LILRA1: variants seen among roughly 807,000 people sequenced by gnomAD.
The protein encoded by LILRA1 is leukocyte immunoglobulin-like receptor subfamily A member 1.
Under a neutral mutation model 51.6 loss-of-function variants are expected in LILRA1, and 51 were observed. The ratio of observed to expected loss-of-function variants is 0.99; its 90% CI spans 0.79 to 1.25. The LOEUF (loss-of-function observed/expected upper bound fraction) is 1.25, where lower values mean the gene tolerates loss of function less well. LILRA1 is among the 50% of genes most tolerant of loss of function. LILRA1 has a pLI of 0.00. For synonymous variants in LILRA1, 305 were observed against 248.4 expected (o/e 1.23, Z -2.14); for missense variants, 660 against 611.7 (o/e 1.08, Z -0.83).
rs768358229 is a variant in LILRA1, at chr19:54,595,267, G to A, written c.526G>A (p.Gly176Arg). Residue 176 changes from glycine to arginine, a missense_variant, in exon 5 of 10, where the codon GGG becomes AGG. By Grantham distance (125) the Gly-to-Arg change is moderately radical. Coordinates refer to ENST00000251372, the MANE Select transcript of LILRA1 (RefSeq NM_006863.4). ...QCLNSQPRTH[G>R]WSRAIFSVGP... is the part of the protein sequence containing the mutation. ...CCTGAACTCACAGCCCCGTACCCAT[G>A]GGTGGTCCCGGGCCATCTTCTCTGT... is the stretch of plus-strand genomic sequence containing the variant. 3 of 1,613,972 alleles carry A rather than the reference G, an allele frequency of 1.9e-6. No individual in the cohort carries two copies. Among genetic ancestry groups the A allele is most frequent in the Admixed American group, 1.7e-5 (1 of 59,998 alleles).
Position 54,595,720 on chromosome 19 carries a change from C to G in LILRA1, c.743C>G (p.Ser248Cys). 6.2e-7 allele frequency: 1 copy of G among 1,614,090 alleles called. No individual in the cohort carries two copies. Among genetic ancestry groups the G allele is most frequent in the Non-Finnish European group, 8.5e-7 (1 of 1,179,978 alleles). The change falls in exon 6 of 10, where the codon TCT becomes TGT. Residue 248 changes from serine (S) to cysteine (C), a missense_variant. Ser to Cys is a moderately radical substitution (Grantham distance 112). Transcript: ENST00000251372. ...PGESLTLQCVSDVSYDRFVLY... is the reference protein window; with the variant it reads ...PGESLTLQCVCDVSYDRFVLY... ...GAGAGCCTGACCCTCCAGTGTGTTTCTGATGTCAGCTACGACAGATTTGTT... is the reference window on the plus strand; with the variant it reads ...GAGAGCCTGACCCTCCAGTGTGTTTGTGATGTCAGCTACGACAGATTTGTT...
rs2063014265 is a variant in LILRA1, at chr19:54,595,317, G to A, written c.576G>A (p.Arg192=). Residue 192 remains arginine (R), a synonymous_variant, in exon 5 of 10, where the codon AGG becomes AGA. Coordinates refer to ENST00000251372, the MANE Select transcript of LILRA1 (RefSeq NM_006863.4). ...FSVGPVSPSR[R]WSYRCYAYDS... ...TGGGCCCCGTGAGCCCGAGTCGCAG[G>A]TGGTCGTACAGGTGCTATGCTTATG... 3.1e-6 allele frequency: 5 copies of A among 1,614,130 alleles called. No homozygotes were observed. The highest frequency in any genetic ancestry group is 1.3e-5 in the African/African-American group (1 of 75,048).
Position 54,594,262 on chromosome 19 carries a change from A to G in LILRA1, c.18A>G (p.Thr6=), listed in dbSNP as rs28469702. 0.11 allele frequency: 174,400 copies of G among 1,523,984 alleles called. 21,270 individuals carry two copies. The highest frequency in any genetic ancestry group is 0.47 in the African/African-American group (33,277 of 71,126). 94.4% of individuals were successfully genotyped at this position (1,523,984 alleles called of 1,614,324 possible). A position where few individuals can be genotyped will look rare whatever the true frequency, so the allele number is the denominator to read the frequency against. The change falls in exon 2 of 10, where the codon ACA becomes ACG. Residue 6 remains threonine (T), a synonymous_variant. Transcript: ENST00000251372. The part of the protein sequence containing the change: MTPIV[T]VLICLRLSLG... ...GAGACGCTATGACCCCCATCGTCAC[A>G]GTCCTGATCTGTCTCAGTGAGATTT...
intron 8 of LILRA1, chr19:54,599,591 T>C (rs1315909096): frequency 2.7e-6 from 3 of 1,111,972 alleles, no homozygotes; most frequent in Non-Finnish European, 2.2e-6. Flanking sequence ...CTAATACAAT[T>C]TGTATAAACC....
Position 54,594,809 on chromosome 19 carries a change from G to A in LILRA1, c.215G>A (p.Arg72Gln), listed in dbSNP as rs373727113. ...REKKTAPWIT[R>Q]IPQEIVKKGQ... ...AAGAAAACAGCACCCTGGATTACAC[G>A]GATCCCACAGGAGATTGTGAAGAAG... The change falls in exon 4 of 10, where the codon CGG (arginine) becomes CAG (glutamine). Residue 72 changes from arginine (R) to glutamine (Q), a missense_variant. Coordinates refer to ENST00000251372, the MANE Select transcript of LILRA1 (RefSeq NM_006863.4). 2.5e-5 allele frequency: 40 copies of A among 1,614,000 alleles called. No homozygotes were observed. Among genetic ancestry groups the A allele is most frequent in the Admixed American group, 1.3e-4 (8 of 60,000 alleles).
intron 7 of LILRA1, among the ~76,000 whole-genome samples, chr19:54,597,522 G>A (rs570092047): frequency 6.6e-6 from 1 of 152,034 alleles, no homozygotes; most frequent in Non-Finnish European, 1.5e-5. Flanking sequence ...CCCACACCCC[G>A]ACCTTGTCCT....
At chr19:54,599,630 A>C (rs1373603550) in intron 8 of LILRA1, 2 of 978,694 alleles carry the variant, frequency 2.0e-6, no homozygotes, top group African/African-American at 3.6e-5. Flanking sequence ...TTACTTCTTT[A>C]TTTCTAAATT....
At position 54,596,315 on chromosome 19, in the gene LILRA1, C is replaced by G. The variant is rs1339443254; in HGVS notation, c.1085C>G (p.Ala362Gly). Residue 362 changes from alanine to glycine, a missense_variant, in exon 7 of 10, where the codon GCA becomes GGA. Coordinates refer to ENST00000251372, the MANE Select transcript of LILRA1 (RefSeq NM_006863.4). ...ACTTTCCTTCTGACCAAGGCGGGAG[C>G]AGCTGATGCCCCCCTCCGTCTCAGA... The part of the protein sequence containing the change: ...FHTFLLTKAG[A>G]ADAPLRLRSI... 1 of 1,614,030 alleles carries G rather than the reference C, an allele frequency of 6.2e-7. No individual in the cohort carries two copies. The highest frequency in any genetic ancestry group is 8.5e-7 in the Non-Finnish European group (1 of 1,180,024).
chr19:54,594,895 G>T lies in LILRA1; in HGVS notation c.301G>T (p.Gly101Cys), dbSNP rs201715627. Residue 101 changes from glycine (G) to cysteine (C), a missense_variant, in exon 4 of 10, where the codon GGT (glycine) becomes TGT (cysteine). By Grantham distance (159) the Gly-to-Cys change is radical. Coordinates refer to ENST00000251372, the MANE Select transcript of LILRA1 (RefSeq NM_006863.4). The part of the protein sequence containing the change: ...EHTGRYRCFY[G>C]SHTAGWSEPS... Reference sequence around the variant, plus strand: ...CACAGGGCGGTATCGCTGTTTCTACGGTAGCCACACTGCAGGCTGGTCAGA... The same window carrying T: ...CACAGGGCGGTATCGCTGTTTCTACTGTAGCCACACTGCAGGCTGGTCAGA... 1.2e-6 allele frequency: 2 copies of T among 1,614,126 alleles called. No homozygotes were observed. The highest frequency in any genetic ancestry group is 2.2e-5 in the South Asian group (2 of 91,082).
rs112681015 is a variant in LILRA1 at position 54,595,323 on chromosome 19, G to A, written c.582G>A (p.Ser194=). 1.3e-4 allele frequency: 210 copies of A among 1,614,090 alleles called. 2 individuals carry two copies. In the African/African-American group the frequency reaches 1.3e-3, roughly 10 times the overall value. ...VGPVSPSRRW[S]YRCYAYDSNS... Reference sequence around the variant, plus strand: ...CCGTGAGCCCGAGTCGCAGGTGGTCGTACAGGTGCTATGCTTATGACTCGA... The same window carrying A: ...CCGTGAGCCCGAGTCGCAGGTGGTCATACAGGTGCTATGCTTATGACTCGA... The change falls in exon 5 of 10, where the codon TCG becomes TCA. Residue 194 remains serine, a synonymous_variant. Transcript: ENST00000251372.
rs530651537 is a variant in LILRA1, at chr19:54,595,967, C to G, written c.958+32C>G. On this transcript the variant is annotated intron_variant, in intron 6 of 9. Transcript: ENST00000251372. The stretch of plus-strand genomic sequence containing the variant: ...AGCCCAGCGGGTTCAGTCAGGGACA[C>G]AGGCTCCGCACAGGCCCTGCCAGGG... The G allele has an allele frequency of 2.0e-4, 314 of 1,609,500 alleles. 1 individual carries two copies. The Middle Eastern group carries it at 3.8e-3, about 19-fold the overall frequency.
intron 8 of LILRA1, 73 bp from the exon 9 acceptor site, chr19:54,600,439 T>C (rs1175053540): frequency 1.7e-5 from 25 of 1,471,392 alleles, no homozygotes; most frequent in East Asian, 1.6e-4. Flanking sequence ...TCAGAAGACA[T>C]AGGGGAAGAT....
chr19:54,599,533 C>A, intron 8 of LILRA1: 14 of 1,187,042 alleles, frequency 1.2e-5, no homozygotes, highest in Non-Finnish European at 1.5e-5. Context: ...TAACTCACTA[C>A]TAAATTGCTC....
At chr19:54,599,388 C>A in intron 8 of LILRA1, 102 bp downstream of exon 8, 1 of 1,422,950 alleles carries the variant, frequency 7.0e-7, no homozygotes, top group Non-Finnish European at 9.4e-7. Flanking sequence ...AAATTACATT[C>A]ATTCTAATTT....
chr19:54,598,391 C>T (rs998240499), intron 7 of LILRA1, among the ~76,000 whole-genome samples: 10 of 151,950 alleles, frequency 6.6e-5, no homozygotes, highest in Admixed American at 4.6e-4. Flanking sequence ...GTTTCCTTAA[C>T]GAACTTCAGA....
In LILRA1 at chr19:54,595,842, C is replaced by T. The variant is rs139230831; in HGVS notation, c.865C>T (p.Arg289Cys). 1.1e-3 allele frequency: 1,798 copies of T among 1,614,118 alleles called. No individual in the cohort carries two copies. Among genetic ancestry groups the T allele is most frequent in the Non-Finnish European group, 1.4e-3 (1,629 of 1,179,952 alleles). ...QANFTLGPVS[R>C]SYGGQYRCSG... ...CAACTTCACCCTGGGCCCTGTGAGC[C>T]GCTCCTACGGGGGCCAGTACAGATG... Residue 289 changes from arginine to cysteine, a missense_variant, in exon 6 of 10, where the codon CGC (arginine) becomes TGC (cysteine). By Grantham distance (180) the Arg-to-Cys change is radical (BLOSUM62 -3). Coordinates refer to ENST00000251372, the MANE Select transcript of LILRA1 (RefSeq NM_006863.4).
chr19:54,596,498 G>A lies in LILRA1; in HGVS notation c.1261+7G>A. ...CTGGAGCTCATGGTCTCAGGTGAGG[G>A]CCCTGACCCTGTCCTCTCCGAGCTC... On this transcript the variant is annotated splice_region_variant and intron_variant, in intron 7 of 9. Transcript: ENST00000251372. The A allele has an allele frequency of 6.2e-7, 1 of 1,614,076 alleles. No individual in the cohort carries two copies. The highest frequency in any genetic ancestry group is 1.1e-5 in the South Asian group (1 of 91,078).
chr19:54,598,254 C>T (rs2063100220), intron 7 of LILRA1, among the ~76,000 whole-genome samples: 1 of 151,894 alleles, frequency 6.6e-6, no homozygotes, highest in African/African-American at 2.4e-5. Context: ...ATTATATGAA[C>T]CTATTATTTA....
Position 54,600,732 on chromosome 19 carries a change from TC to T in LILRA1, c.1386del (p.Ile463SerfsTer5), listed in dbSNP as rs750218398. ...CCCCAGGATTACACAGTGGAGAATC[TC>T]ATCCGCATGGGCATAGCTGGCTTGG... ...SHPQDYTVEN[L>X]IRMGIAGLVL... On this transcript the variant is annotated frameshift_variant, in exon 10 of 10. Transcript: ENST00000251372. LOFTEE classifies it low-confidence loss of function (END_TRUNC). The T allele has an allele frequency of 1.2e-6, 2 of 1,613,990 alleles. No individual in the cohort carries two copies. Among genetic ancestry groups the T allele is most frequent in the Non-Finnish European group, 8.5e-7 (1 of 1,179,984 alleles).
Sources: allele counts gnomAD v4.1 joint callset (sites outside exome capture counted in the v4.1 genomes callset), GRCh38; gene constraint gnomAD v4.1.1; transcripts MANE v1.5; gene names NCBI Gene and HGNC (gene_info 2026-07-23, HGNC 2026-07-21).